TMEM106B: variants seen among roughly 807,000 people sequenced by gnomAD.
TMEM106B encodes transmembrane protein 106B.
A neutral mutation model predicts 31.1 loss-of-function variants in TMEM106B; 15 were observed. That is an observed-to-expected ratio of 0.48 (90% CI 0.32 to 0.74). The LOEUF (loss-of-function observed/expected upper bound fraction) is 0.74, where lower values mean the gene tolerates loss of function less well. TMEM106B is among the 30% of genes least tolerant of loss of function. The probability of loss-of-function intolerance (pLI) is 0.03; values close to 1 mark genes in which losing one functional copy is unlikely to be tolerated. For missense variants in TMEM106B, 283 were observed against 327.3 expected (o/e 0.86, Z 1.04); for synonymous variants, 126 against 112.5 (o/e 1.12, Z -0.76).
In TMEM106B at chr7:12,234,410, G is replaced by T. The variant is rs553641712; in HGVS notation, c.*2435G>T. On this transcript the variant is annotated 3_prime_UTR_variant, in exon 8 of 8. Coordinates refer to ENST00000396668, the MANE Select transcript of TMEM106B (RefSeq NM_001134232.2). ...AAAAGATAGAAGAGAAATAAAGATG[G>T]TATGTGACTACTTTCAGAGAGAGTT... 6.6e-5 allele frequency: 10 copies of T among 151,896 alleles called. No individual in the cohort carries two copies. The highest frequency in any genetic ancestry group is 2.4e-4 in the African/African-American group (10 of 41,508). 9.4% of individuals were successfully genotyped at this position (151,896 alleles called of 1,614,324 possible).
intron 4 of TMEM106B, among the ~76,000 whole-genome samples, chr7:12,225,646 C>T (rs916017165): frequency 6.6e-6 from 1 of 152,092 alleles, no homozygotes; most frequent in Non-Finnish European, 1.5e-5. Flanking sequence ...TTTCATGTGT[C>T]TGTTGGCTGC....
rs1286963588 is a variant in TMEM106B, at chr7:12,240,573, T to G, written c.*8598T>G. The G allele has an allele frequency of 6.6e-6, 1 of 152,124 alleles. No individual in the cohort carries two copies. The allele number at this position is 152,124 out of a possible 1,614,324, so 9.4% of individuals were successfully genotyped here. On this transcript the variant is annotated 3_prime_UTR_variant, in exon 8 of 8. Coordinates refer to ENST00000396668, the MANE Select transcript of TMEM106B (RefSeq NM_001134232.2). ...TGTGCCCAAAATTATCTCTGTAGAA[T>G]AATATGGAAAAACGAAAATGAAAAG...
chr7:12,216,415 G>GGA (rs1781688267), intron 2 of TMEM106B, among the ~76,000 whole-genome samples: 1 of 152,152 alleles, frequency 6.6e-6, no homozygotes, highest in Non-Finnish European at 1.5e-5. Flanking sequence ...ATATGTCACA[G>GGA]GAGAGTTCAG....
At chr7:12,225,510 C>T (rs1423975578) in intron 4 of TMEM106B, among the ~76,000 whole-genome samples, 2 of 152,188 alleles carry the variant, frequency 1.3e-5, no homozygotes, top group Non-Finnish European at 2.9e-5. Context: ...TCCTATTTCT[C>T]CACATCCTCT....
At chr7:12,219,108 C>A (rs1256335954) in intron 3 of TMEM106B, among the ~76,000 whole-genome samples, 3 of 152,082 alleles carry the variant, frequency 2.0e-5, no homozygotes, top group Admixed American at 2.0e-4. Flanking sequence ...AGGAACTGGA[C>A]CATCCTAAAT....
intron 2 of TMEM106B, among the ~76,000 whole-genome samples, chr7:12,217,365 T>A (rs1231394000): frequency 6.6e-6 from 1 of 152,182 alleles, no homozygotes; most frequent in Non-Finnish European, 1.5e-5. Flanking sequence ...GCGAAGAAGA[T>A]ATTAAAGATT....
In TMEM106B at chr7:12,236,363, C is replaced by T. The variant is rs1192501675; in HGVS notation, c.*4388C>T. The T allele has an allele frequency of 1.3e-5, 2 of 151,818 alleles. No individual in the cohort carries two copies. Among genetic ancestry groups the T allele is most frequent in the Admixed American group, 1.3e-4 (2 of 15,218 alleles). 9.4% of individuals were successfully genotyped at this position (151,818 alleles called of 1,614,324 possible). A position where few individuals can be genotyped will look rare whatever the true frequency, so the allele number is the denominator to read the frequency against. On this transcript the variant is annotated 3_prime_UTR_variant, in exon 8 of 8. Transcript: ENST00000396668. ...TATAGTTATTTGTACAAGTATTTATCACAGACTCTAAATTGAAAAATGTAG... is the reference window on the plus strand; with the variant it reads ...TATAGTTATTTGTACAAGTATTTATTACAGACTCTAAATTGAAAAATGTAG...
intron 6 of TMEM106B, 131 bp from the exon 7 acceptor site, chr7:12,230,931 T>C: frequency 3.7e-6 from 2 of 534,162 alleles, no homozygotes; most frequent in Non-Finnish European, 6.2e-6. Context: ...TTGTTTGAAG[T>C]ATAGAAAATT....
chr7:12,216,105 G>C (rs566055505), intron 2 of TMEM106B, among the ~76,000 whole-genome samples: 28 of 152,208 alleles, frequency 1.8e-4, no homozygotes, highest in African/African-American at 6.7e-4. Context: ...TTACATTTGC[G>C]TTGGCCTTTG....
rs1216228645 is a variant in TMEM106B at position 12,226,591 on chromosome 7, G to C, written c.441+2206G>C. 2.0e-5 allele frequency among the ~76,000 whole-genome samples: 3 copies of C among 152,184 alleles called. No individual in the cohort carries two copies. The East Asian group carries it at 5.8e-4, about 29-fold the overall frequency. On this transcript the variant is annotated intron_variant, in intron 4 of 7. Transcript: ENST00000396668. ...AGAGGTTAATGGTGTGGTTAAGGTTGAGGTAGAGATGTCTGTGGTGGTGGT... is the reference window on the plus strand; with the variant it reads ...AGAGGTTAATGGTGTGGTTAAGGTTCAGGTAGAGATGTCTGTGGTGGTGGT...
rs574470365 is a variant in TMEM106B, at chr7:12,235,254, T to C, written c.*3279T>C. ...ACTGATCCATTGTCTAAGGAAATTA[T>C]TTATAAATAATAGAGATTAATTTAT... On this transcript the variant is annotated 3_prime_UTR_variant, in exon 8 of 8. Coordinates refer to ENST00000396668, the MANE Select transcript of TMEM106B (RefSeq NM_001134232.2). 2.6e-4 allele frequency: 40 copies of C among 152,456 alleles called. No individual in the cohort carries two copies. Among genetic ancestry groups the C allele is most frequent in the African/African-American group, 9.1e-4 (38 of 41,544 alleles). The allele number at this position is 152,456 out of a possible 1,614,324, so 9.4% of individuals were successfully genotyped here. A position where few individuals can be genotyped will look rare whatever the true frequency, so the allele number is the denominator to read the frequency against.
rs886734921 is a variant in TMEM106B, at chr7:12,239,539, T to C, written c.*7564T>C. 1.3e-5 allele frequency: 2 copies of C among 152,170 alleles called. No homozygotes were observed. The highest frequency in any genetic ancestry group is 1.3e-4 in the Admixed American group (2 of 15,268). The allele number at this position is 152,170 out of a possible 1,614,324, so 9.4% of individuals were successfully genotyped here. A position where few individuals can be genotyped will look rare whatever the true frequency, so the allele number is the denominator to read the frequency against. On this transcript the variant is annotated 3_prime_UTR_variant, in exon 8 of 8. Transcript: ENST00000396668. ...TTCAGCCTATCTTGACTTTCCAAGA[T>C]TGTCCTTGGTGAGAAATGCTTGATT...
intron 4 of TMEM106B, among the ~76,000 whole-genome samples, chr7:12,228,577 CA>C (rs1230436343): frequency 6.6e-6 from 1 of 151,616 alleles, no homozygotes; most frequent in Non-Finnish European, 1.5e-5. Context: ...TTCCAAATAA[CA>C]CTGTCATTAG....
Position 12,231,877 on chromosome 7 carries a change from A to G in TMEM106B, c.727A>G (p.Ile243Val), listed in dbSNP as rs1782031833. The G allele has an allele frequency of 1.2e-6, 2 of 1,610,850 alleles. No homozygotes were observed. Residue 243 changes from isoleucine (I) to valine (V), a missense_variant, in exon 8 of 8, where the codon ATA becomes GTA. Physicochemically the swap from Ile to Val is conservative, Grantham distance 29. Transcript: ENST00000396668. Reference protein sequence around the residue: ...TTTYFGHSEQISQERYQYVDC... With the variant: ...TTTYFGHSEQVSQERYQYVDC... ...AACATACTTTGGCCACTCTGAACAG[A>G]TATCCCAGGAGAGGTATCAGTATGT...
intron 4 of TMEM106B, among the ~76,000 whole-genome samples, chr7:12,226,010 A>G (rs1489839422): frequency 6.6e-6 from 1 of 152,090 alleles, no homozygotes; most frequent in African/African-American, 2.4e-5. Flanking sequence ...TATTAGGTCT[A>G]ACATTTAAGT....
intron 5 of TMEM106B, among the ~76,000 whole-genome samples, 167 bp downstream of exon 5, chr7:12,229,986 C>T (rs902800264): frequency 6.6e-6 from 1 of 151,986 alleles, no homozygotes; most frequent in African/African-American, 2.4e-5. Context: ...GGAGGCTGAG[C>T]TCAGTGGACT....
At chr7:12,215,138 A>C (rs1295308815) in intron 2 of TMEM106B, 111 bp downstream of exon 2, 6 of 807,156 alleles carry the variant, frequency 7.4e-6, no homozygotes, top group African/African-American at 1.7e-5. Context: ...TTAGAATTAA[A>C]GTTGAAACAT....
intron 1 of TMEM106B, among the ~76,000 whole-genome samples, chr7:12,213,257 C>T (rs745668289): frequency 1.5e-5 from 2 of 133,112 alleles, no homozygotes; most frequent in Non-Finnish European, 3.1e-5. Flanking sequence ...TATTTTGGAA[C>T]ATTGGCTTCA....
rs1782214698 is a variant in TMEM106B at position 12,240,171 on chromosome 7, T to C, written c.*8196T>C. The C allele has an allele frequency of 1.3e-5, 2 of 152,204 alleles. No homozygotes were observed. The highest frequency in any genetic ancestry group is 4.8e-5 in the African/African-American group (2 of 41,460). 9.4% of individuals were successfully genotyped at this position (152,204 alleles called of 1,614,324 possible). A position where few individuals can be genotyped will look rare whatever the true frequency, so the allele number is the denominator to read the frequency against. On this transcript the variant is annotated 3_prime_UTR_variant, in exon 8 of 8. Coordinates refer to ENST00000396668, the MANE Select transcript of TMEM106B (RefSeq NM_001134232.2). ...ACAATGTCCTGACCAAATCGAGTTC[T>C]TTCTCATTGGGAACAGTTCATTCCT...
Sources: allele counts gnomAD v4.1 joint callset (sites outside exome capture counted in the v4.1 genomes callset), GRCh38; gene constraint gnomAD v4.1.1; transcripts MANE v1.5; gene names NCBI Gene and HGNC (gene_info 2026-07-23, HGNC 2026-07-21).